Variants in ALMS1 observed in about 807,000 individuals in gnomAD.
ALMS1 encodes ALMS1 centrosome and basal body associated protein.
Under a neutral mutation model 352.2 loss-of-function variants are expected in ALMS1, and 271 were observed. That is an observed-to-expected ratio of 0.77 (90% CI 0.70 to 0.85). The LOEUF (loss-of-function observed/expected upper bound fraction) is 0.85. Among genes scored for constraint, ALMS1 ranks in the 40% least tolerant of loss-of-function variants. ALMS1 has a pLI of 0.00. For missense variants in ALMS1, 5,445 were observed against 4,870.7 expected (o/e 1.12, Z -3.51); for synonymous variants, 1,865 against 1,761.2 (o/e 1.06, Z -1.48).
chr2:73,432,202 C>T lies in ALMS1; in HGVS notation c.1343C>T (p.Thr448Ile), dbSNP rs774335945. 5 of 1,611,904 alleles carry T rather than the reference C, an allele frequency of 3.1e-6. No individual in the cohort carries two copies. The highest frequency in any genetic ancestry group is 4.2e-6 in the Non-Finnish European group (5 of 1,178,248). Residue 448 changes from threonine to isoleucine, a missense_variant, in exon 7 of 23, where the codon ACA becomes ATA. Physicochemically the swap from Thr to Ile is moderately conservative, Grantham distance 89 (BLOSUM62 -1). Coordinates refer to ENST00000613296, the MANE Select transcript of ALMS1 (RefSeq NM_001378454.1). ...CCTTCATTTGTTCCACATAAGCCAA[C>T]AAGAGAGTCGGAATATCACTCTTCA... ...ERVAELQRKP[T>I]RESEYHSSDL...
intron 16 of ALMS1, among the ~76,000 whole-genome samples, chr2:73,591,519 T>C (rs1361692611): frequency 6.6e-6 from 1 of 152,184 alleles, no homozygotes; most frequent in Non-Finnish European, 1.5e-5. Flanking sequence ...ACAACTGAAA[T>C]AACATATGGA....
chr2:73,468,083 A>G (rs1427516738), intron 9 of ALMS1, among the ~76,000 whole-genome samples: 3 of 151,996 alleles, frequency 2.0e-5, no homozygotes, highest in African/African-American at 7.2e-5. Flanking sequence ...AAGATTTATT[A>G]TATATTAATT....
intron 12 of ALMS1, among the ~76,000 whole-genome samples, chr2:73,549,524 A>G (rs1382790612): frequency 6.6e-6 from 1 of 152,104 alleles, no homozygotes; most frequent in African/African-American, 2.4e-5. Flanking sequence ...CTGCAATCCA[A>G]CCTGACCATA....
In ALMS1 at chr2:73,550,333, C is replaced by T. The variant is rs754690894; in HGVS notation, c.9974C>T (p.Ser3325Leu). The stretch of plus-strand genomic sequence containing the variant: ...CTAGGCACAAGAGATGATGACCTCT[C>T]AGCCACTGTTAACATTAAACATAAA... The part of the protein sequence containing the change: ...QVLGTRDDDL[S>L]ATVNIKHKEG... The change falls in exon 13 of 23, where the codon TCA becomes TTA. Residue 3325 changes from serine to leucine, a missense_variant. Coordinates refer to ENST00000613296, the MANE Select transcript of ALMS1 (RefSeq NM_001378454.1). 1.2e-6 allele frequency: 2 copies of T among 1,614,192 alleles called. No homozygotes were observed. Among genetic ancestry groups the T allele is most frequent in the South Asian group, 1.1e-5 (1 of 91,080 alleles).
chr2:73,574,159 T>C (rs1266532927), intron 16 of ALMS1, among the ~76,000 whole-genome samples: 1 of 152,172 alleles, frequency 6.6e-6, no homozygotes, highest in East Asian at 1.9e-4. Flanking sequence ...TAAAATAAAT[T>C]TCTCTCATCT....
At chr2:73,570,933 T>C (rs892958973) in intron 15 of ALMS1, among the ~76,000 whole-genome samples, 1 of 152,230 alleles carries the variant, frequency 6.6e-6, no homozygotes, top group African/African-American at 2.4e-5. Flanking sequence ...AATTCTTCTC[T>C]AGCTACCATT....
chr2:73,578,337 C>G (rs755559921), intron 16 of ALMS1, among the ~76,000 whole-genome samples: 6 of 152,200 alleles, frequency 3.9e-5, no homozygotes, highest in Admixed American at 6.5e-5. Context: ...ATTCTGCCCT[C>G]TCTGCCTTTT....
Position 73,603,222 on chromosome 2 carries a change from C to T in ALMS1, c.12299-19C>T, listed in dbSNP as rs1553422031. On this transcript the variant is annotated intron_variant, in intron 20 of 22. Transcript: ENST00000613296. Reference sequence around the variant, plus strand: ...GGTTAAGTCACTGTCCACTGAAAACCCTTTCTTCTCTTGCCTAGTCTTCCT... The same window carrying T: ...GGTTAAGTCACTGTCCACTGAAAACTCTTTCTTCTCTTGCCTAGTCTTCCT... 6.2e-7 allele frequency: 1 copy of T among 1,613,652 alleles called. No homozygotes were observed. The highest frequency in any genetic ancestry group is 8.5e-7 in the Non-Finnish European group (1 of 1,179,766).
chr2:73,519,823 G>A lies in ALMS1; in HGVS notation c.9588G>A (p.Leu3196=). The A allele has an allele frequency of 6.2e-7, 1 of 1,613,956 alleles. No homozygotes were observed. The highest frequency in any genetic ancestry group is 8.5e-7 in the Non-Finnish European group (1 of 1,179,918). ...KTPLSAFSEK[L]SSDAVTQITT... ...CACTTTCTGCTTTCTCTGAAAAATTGTCATCTGATGCAGTCACTCAGATAA... is the reference window on the plus strand; with the variant it reads ...CACTTTCTGCTTTCTCTGAAAAATTATCATCTGATGCAGTCACTCAGATAA... The change falls in exon 11 of 23, where the codon TTG becomes TTA. Residue 3196 remains leucine (L), a synonymous_variant. Coordinates refer to ENST00000613296, the MANE Select transcript of ALMS1 (RefSeq NM_001378454.1).
At chr2:73,466,127 T>G (rs1338761140) in intron 9 of ALMS1, among the ~76,000 whole-genome samples, 1 of 152,190 alleles carries the variant, frequency 6.6e-6, no homozygotes, top group Non-Finnish European at 1.5e-5. Flanking sequence ...AGCCATCCCA[T>G]TTCTGGGTAT....
At chr2:73,501,491 G>GT (rs1341783616) in intron 10 of ALMS1, among the ~76,000 whole-genome samples, 16 of 152,162 alleles carry the variant, frequency 1.1e-4, no homozygotes, top group South Asian at 2.1e-4. Context: ...CCTTTGTGGT[G>GT]TAAGTTATGC....
chr2:73,538,956 G>T lies in ALMS1; in HGVS notation c.9907+4007G>T, dbSNP rs534961398. 3.1e-3 allele frequency among the ~76,000 whole-genome samples: 473 copies of T among 152,264 alleles called. 4 individuals carry two copies. Among genetic ancestry groups the T allele is most frequent in the Non-Finnish European group, 5.1e-3 (350 of 68,012 alleles). On this transcript the variant is annotated intron_variant, in intron 12 of 22. Transcript: ENST00000613296. ...CTGCCTCTGTAGACTCCACCTCTGG[G>T]GGCAGGGCATAGCCAAACAAAAGGC...
At position 73,448,048 on chromosome 2, in the gene ALMS1, A is replaced by G. The variant is rs760374410; in HGVS notation, c.1521A>G (p.Gly507=). The change falls in exon 8 of 23, where the codon GGA becomes GGG. Residue 507 remains glycine (G), a synonymous_variant. Coordinates refer to ENST00000613296, the MANE Select transcript of ALMS1 (RefSeq NM_001378454.1). ...ITTTPVDSDI[G]SHLSLSLEDL... ...CCACTCCTGTTGATTCAGACATTGG[A>G]TCTCATTTATCCTTGTCCCTTGAGG... 1 of 1,613,856 alleles carries G rather than the reference A, an allele frequency of 6.2e-7. No individual in the cohort carries two copies. The highest frequency in any genetic ancestry group is 1.7e-5 in the Admixed American group (1 of 59,996).
In ALMS1 at chr2:73,559,106, C is replaced by G; in HGVS notation, c.10348C>G (p.Pro3450Ala). The G allele has an allele frequency of 6.2e-7, 1 of 1,613,736 alleles. No individual in the cohort carries two copies. The highest frequency in any genetic ancestry group is 8.5e-7 in the Non-Finnish European group (1 of 1,179,842). ...GAAGACAGTTCCCGAGGAAGCCTGG[C>G]CAAACAATAAAGAATCCCTACAGAT... ...RKKTVPEEAW[P>A]NNKESLQINI... The change falls in exon 15 of 23, where the codon CCA becomes GCA. Residue 3450 changes from proline to alanine, a missense_variant. Physicochemically the swap from Pro to Ala is conservative, Grantham distance 27. Coordinates refer to ENST00000613296, the MANE Select transcript of ALMS1 (RefSeq NM_001378454.1).
chr2:73,520,779 T>C (rs1268012453), intron 11 of ALMS1, among the ~76,000 whole-genome samples: 10 of 152,236 alleles, frequency 6.6e-5, no homozygotes, highest in Non-Finnish European at 1.5e-4. Flanking sequence ...ATAGTTTCAG[T>C]GATATTTTGA....
chr2:73,570,738 C>G (rs1045195116), intron 15 of ALMS1, among the ~76,000 whole-genome samples: 1 of 152,098 alleles, frequency 6.6e-6, no homozygotes, highest in Admixed American at 6.5e-5. Flanking sequence ...GAGGAACTTG[C>G]CTTTAAAAGA....
At chr2:73,429,811 T>C (rs1003385167) in intron 6 of ALMS1, among the ~76,000 whole-genome samples, 5 of 152,170 alleles carry the variant, frequency 3.3e-5, no homozygotes, top group African/African-American at 1.2e-4. Context: ...TTCAACTTGC[T>C]CTATAGCAAA....
At chr2:73,441,716 T>C (rs2103757310) in intron 7 of ALMS1, among the ~76,000 whole-genome samples, 1 of 152,294 alleles carries the variant, frequency 6.6e-6, no homozygotes, top group South Asian at 2.1e-4. Context: ...AAGGAAGTCA[T>C]TGCCATGTTG....
At chr2:73,539,494 C>T (rs1203169010) in intron 12 of ALMS1, among the ~76,000 whole-genome samples, 2 of 152,170 alleles carry the variant, frequency 1.3e-5, no homozygotes, top group Non-Finnish European at 1.5e-5. Context: ...GAACGTAGCT[C>T]CTCACCAGCA....
Sources: gnomAD v4.1 joint callset for allele counts (sites outside exome capture counted in the v4.1 genomes callset) on GRCh38, gnomAD v4.1.1 for gene constraint, MANE v1.5 for transcripts, NCBI Gene and HGNC (gene_info 2026-07-23, HGNC 2026-07-21) for gene names.